The following PTPRZ1 variants were observed in gnomAD, a reference collection of about 807,000 sequenced individuals.
PTPRZ1 encodes the protein receptor-type tyrosine-protein phosphatase zeta.
In PTPRZ1, 82 loss-of-function variants were observed where a neutral mutation model predicts 214.1. That is an observed-to-expected ratio of 0.38 (90% confidence interval 0.32 to 0.46). The LOEUF (loss-of-function observed/expected upper bound fraction) is 0.46. Ranked by LOEUF, PTPRZ1 falls within the 20% of genes least tolerant of loss-of-function variation. PTPRZ1 has a pLI of 1.00. For missense variants in PTPRZ1, 2,603 were observed against 2,748.7 expected, an observed-to-expected ratio of 0.95 and a Z score of 1.19; for synonymous variants, 945 against 987.9, an observed-to-expected ratio of 0.96 and a Z score of 0.81.
chr7:122,021,068 A>C (rs1799001614), intron 13 of PTPRZ1, among the ~76,000 whole-genome samples: 1 of 152,186 alleles, frequency 6.6e-6, no homozygotes, highest in South Asian at 2.1e-4. Flanking sequence ...AATTGAAAAT[A>C]AGATGGAGAA....
chr7:121,989,127 A>T (rs937651486), intron 8 of PTPRZ1, among the ~76,000 whole-genome samples: 10 of 152,220 alleles, frequency 6.6e-5, no homozygotes, highest in Non-Finnish European at 1.5e-4. Context: ...AAGATTTATT[A>T]TGTAATAATT....
At chr7:121,920,834 A>C (rs1000089243) in intron 1 of PTPRZ1, among the ~76,000 whole-genome samples, 1 of 152,166 alleles carries the variant, frequency 6.6e-6, no homozygotes, top group Non-Finnish European at 1.5e-5. Flanking sequence ...AGAATGCTTT[A>C]AGTGAACTGT....
At chr7:121,922,471 T>C (rs1184826823) in intron 1 of PTPRZ1, among the ~76,000 whole-genome samples, 1 of 152,082 alleles carries the variant, frequency 6.6e-6, no homozygotes, top group Non-Finnish European at 1.5e-5. Context: ...GCAGAAGGAT[T>C]GCTTGAACCC....
intron 10 of PTPRZ1, among the ~76,000 whole-genome samples, chr7:122,003,450 A>C (rs927798809): frequency 8.5e-5 from 13 of 152,176 alleles, no homozygotes; most frequent in African/African-American, 3.1e-4. Context: ...ATGGTTTTCA[A>C]TATATTAATA....
intron 1 of PTPRZ1, among the ~76,000 whole-genome samples, chr7:121,895,307 G>C (rs1317503759): frequency 6.6e-6 from 1 of 152,104 alleles, no homozygotes; most frequent in South Asian, 2.1e-4. Flanking sequence ...GCAGGTGTAG[G>C]ATAATCATAC....
At chr7:122,005,695 A>G (rs188682962) in intron 11 of PTPRZ1, among the ~76,000 whole-genome samples, 1 of 151,994 alleles carries the variant, frequency 6.6e-6, no homozygotes, top group Non-Finnish European at 1.5e-5. Context: ...AATTAAGTCA[A>G]AAAAGAAATT....
chr7:121,982,682 C>T (rs764785086), intron 6 of PTPRZ1, among the ~76,000 whole-genome samples: 12 of 152,194 alleles, frequency 7.9e-5, no homozygotes, highest in Non-Finnish European at 1.6e-4. Context: ...GATGCTGGTA[C>T]ACAGAAATAC....
At chr7:121,944,975 T>G (rs1916876) in intron 2 of PTPRZ1, among the ~76,000 whole-genome samples, 87,872 of 151,934 alleles carry the variant, frequency 0.58, 25,884 homozygotes, top group African/African-American at 0.67. Context: ...GCTCCATTTT[T>G]CTTGAAATTT....
At chr7:121,991,452 A>G (rs1297840966) in intron 8 of PTPRZ1, among the ~76,000 whole-genome samples, 1 of 152,238 alleles carries the variant, frequency 6.6e-6, no homozygotes. Flanking sequence ...AGTTGTCAGG[A>G]CAGAGTAGCA....
At chr7:121,875,663 T>A (rs2402592) in intron 1 of PTPRZ1, among the ~76,000 whole-genome samples, 15,821 of 152,270 alleles carry the variant, frequency 0.1, 2,316 homozygotes, top group African/African-American at 0.33. Flanking sequence ...TGACTACTTT[T>A]GTATTCCTCA....
At chr7:121,941,738 G>A (rs1211934490) in intron 2 of PTPRZ1, among the ~76,000 whole-genome samples, 1 of 152,144 alleles carries the variant, frequency 6.6e-6, no homozygotes, top group African/African-American at 2.4e-5. Flanking sequence ...TTATGTATCT[G>A]AGGGGCCTGT....
At chr7:122,058,316 A>G (rs1192078457) in intron 27 of PTPRZ1, among the ~76,000 whole-genome samples, 3 of 152,074 alleles carry the variant, frequency 2.0e-5, no homozygotes, top group Non-Finnish European at 4.4e-5. Flanking sequence ...AGTAAGAATC[A>G]GAATTGGGAT....
intron 4 of PTPRZ1, among the ~76,000 whole-genome samples, chr7:121,974,913 A>G (rs564301143): frequency 8.5e-5 from 13 of 152,314 alleles, no homozygotes; most frequent in African/African-American, 2.9e-4. Context: ...TTCACCAGGC[A>G]TGGTGGCTCA....
intron 1 of PTPRZ1, among the ~76,000 whole-genome samples, chr7:121,897,294 A>T (rs982285933): frequency 6.6e-6 from 1 of 152,152 alleles, no homozygotes; most frequent in Non-Finnish European, 1.5e-5. Flanking sequence ...GGCTTTACTC[A>T]TAATAATGGT....
At chr7:122,037,171 A>G (rs1799573342) in intron 18 of PTPRZ1, among the ~76,000 whole-genome samples, 2 of 151,930 alleles carry the variant, frequency 1.3e-5, no homozygotes, top group African/African-American at 4.8e-5. Flanking sequence ...GCTACTCGGG[A>G]GGCTGAGGCA....
chr7:122,029,615 T>C (rs1441812358), intron 14 of PTPRZ1, among the ~76,000 whole-genome samples: 1 of 151,910 alleles, frequency 6.6e-6, no homozygotes, highest in Non-Finnish European at 1.5e-5. Flanking sequence ...TGACTGATGC[T>C]CCATATTCCA....
intron 6 of PTPRZ1, among the ~76,000 whole-genome samples, chr7:121,982,001 A>G (rs1468773699): frequency 1.3e-5 from 2 of 152,138 alleles, no homozygotes; most frequent in East Asian, 3.9e-4. Flanking sequence ...ATAATTTTTT[A>G]ATGTTTTCAT....
chr7:121,899,287 T>G (rs1173677908), intron 1 of PTPRZ1, among the ~76,000 whole-genome samples: 3 of 152,200 alleles, frequency 2.0e-5, no homozygotes, highest in Admixed American at 2.0e-4. Flanking sequence ...CATTCATGAC[T>G]CACAACGTTT....
intron 1 of PTPRZ1, among the ~76,000 whole-genome samples, chr7:121,915,318 A>C (rs1175801244): frequency 6.6e-6 from 1 of 152,126 alleles, no homozygotes; most frequent in Non-Finnish European, 1.5e-5. Context: ...GAAATGCAGA[A>C]CTTCTTTGCC....
Sources: gnomAD v4.1 joint callset for allele counts (sites outside exome capture counted in the v4.1 genomes callset) on GRCh38, gnomAD v4.1.1 for gene constraint, MANE v1.5 for transcripts, NCBI Gene and HGNC (gene_info 2026-07-23, HGNC 2026-07-21) for gene names.